Variants in GALNT13 observed in about 807,000 individuals in gnomAD.
GALNT13 encodes the protein polypeptide N-acetylgalactosaminyltransferase 13.
In GALNT13, 28 loss-of-function variants were observed where a neutral mutation model predicts 64.2. That is an observed-to-expected ratio of 0.44 (90% CI 0.32 to 0.60). The LOEUF (loss-of-function observed/expected upper bound fraction) is 0.60, where lower values mean the gene tolerates loss of function less well. Ranked by LOEUF, GALNT13 falls within the 20% of genes least tolerant of loss-of-function variation. The probability of loss-of-function intolerance (pLI) is 0.05; values close to 1 mark genes in which losing one functional copy is unlikely to be tolerated. For synonymous variants in GALNT13, 214 were observed against 224.6 expected (o/e 0.95, Z 0.42); for missense variants, 577 against 669.8 (o/e 0.86, Z 1.53).
At chr2:153,123,765 T>C in the GALNT13 span, among the ~76,000 whole-genome samples, 1 of 152,184 alleles carries the variant, frequency 6.6e-6, no homozygotes, top group Non-Finnish European at 1.5e-5. Context: ...TATTAATTGA[T>C]AAATTACACT....
the GALNT13 span, among the ~76,000 whole-genome samples, chr2:153,567,886 C>A: frequency 6.6e-5 from 10 of 152,324 alleles, no homozygotes; most frequent in African/African-American, 9.6e-5. Context: ...GTCTCCCTAG[C>A]TATTTGATTC....
the GALNT13 span, among the ~76,000 whole-genome samples, chr2:153,491,329 A>T: frequency 6.6e-6 from 1 of 152,060 alleles, no homozygotes; most frequent in Non-Finnish European, 1.5e-5. Context: ...TAAGAAACAT[A>T]AAAGAAGATT....
chr2:153,891,182 G>A (rs1189024909), intron 1 of GALNT13, among the ~76,000 whole-genome samples: 2 of 152,004 alleles, frequency 1.3e-5, no homozygotes, highest in African/African-American at 4.8e-5. Context: ...TTAGCTACAT[G>A]CATTTAATTA....
At chr2:153,126,296 GTATATATATATATATATATATATATA>G in the GALNT13 span, among the ~76,000 whole-genome samples, 1,758 of 118,840 alleles carry the variant, frequency 0.015, 69 homozygotes, top group African/African-American at 0.06. Context: ...TATTGATTTT[GTATATATATATATATATATATATATA>G]TATATATATA....
chr2:153,772,395 A>G, the GALNT13 span, among the ~76,000 whole-genome samples: 1 of 152,110 alleles, frequency 6.6e-6, no homozygotes, highest in Non-Finnish European at 1.5e-5. Flanking sequence ...CCTGGGTTGC[A>G]TGGAACCCTA....
chr2:153,112,610 A>G, the GALNT13 span, among the ~76,000 whole-genome samples: 4 of 152,126 alleles, frequency 2.6e-5, no homozygotes, highest in African/African-American at 9.7e-5. Context: ...TTCTGTTCCC[A>G]GGCTAATGTT....
At chr2:153,296,661 T>G in the GALNT13 span, among the ~76,000 whole-genome samples, 3 of 152,316 alleles carry the variant, frequency 2.0e-5, no homozygotes, top group Admixed American at 2.0e-4. Context: ...AAGGGCCAGA[T>G]AGAAACTGTG....
intron 3 of GALNT13, among the ~76,000 whole-genome samples, chr2:154,057,425 T>C (rs1350773635): frequency 1.3e-5 from 2 of 152,252 alleles, no homozygotes; most frequent in Non-Finnish European, 1.5e-5. Flanking sequence ...CAAGGCACTG[T>C]CTTATTCCCT....
intron 3 of GALNT13, among the ~76,000 whole-genome samples, chr2:154,059,448 G>A (rs568364750): frequency 6.6e-6 from 1 of 152,242 alleles, no homozygotes; most frequent in East Asian, 1.9e-4. Flanking sequence ...GAAATAGCAT[G>A]GACTTCATTT....
At chr2:154,366,709 A>G (rs1363525514) in intron 9 of GALNT13, among the ~76,000 whole-genome samples, 1 of 152,200 alleles carries the variant, frequency 6.6e-6, no homozygotes, top group African/African-American at 2.4e-5. Flanking sequence ...CGTGGGAAGA[A>G]TTCCTCTGTA....
chr2:154,152,083 C>T (rs1399417110), intron 4 of GALNT13, among the ~76,000 whole-genome samples: 1 of 152,130 alleles, frequency 6.6e-6, no homozygotes. Context: ...TGTTCCTTTC[C>T]ATGTTCAGTG....
chr2:154,100,794 G>A (rs1485638846), intron 3 of GALNT13, among the ~76,000 whole-genome samples: 5 of 152,092 alleles, frequency 3.3e-5, no homozygotes, highest in Admixed American at 3.3e-4. Context: ...TTCGTAGGGG[G>A]AAAGTTTTCA....
chr2:153,746,706 G>T, the GALNT13 span, among the ~76,000 whole-genome samples: 1 of 152,116 alleles, frequency 6.6e-6, no homozygotes, highest in Non-Finnish European at 1.5e-5. Context: ...TGCCAAATAG[G>T]CAGGGCTTGA....
At chr2:153,950,263 A>G (rs1480596510) in intron 3 of GALNT13, among the ~76,000 whole-genome samples, 1 of 151,878 alleles carries the variant, frequency 6.6e-6, no homozygotes, top group African/African-American at 2.4e-5. Flanking sequence ...TATAATTAAT[A>G]AAAAAGCCCA....
At chr2:154,009,618 G>A (rs1168627879) in intron 3 of GALNT13, among the ~76,000 whole-genome samples, 2 of 151,302 alleles carry the variant, frequency 1.3e-5, no homozygotes, top group Non-Finnish European at 2.9e-5. Context: ...ACCCTCCCAA[G>A]TAGCTGGGAC....
intron 9 of GALNT13, among the ~76,000 whole-genome samples, chr2:154,305,285 AAG>A (rs780553606): frequency 6.6e-6 from 1 of 152,098 alleles, no homozygotes; most frequent in Non-Finnish European, 1.5e-5. Context: ...TGAGTTTGTA[AAG>A]AGAGAATCTG....
At chr2:153,166,935 A>G in the GALNT13 span, among the ~76,000 whole-genome samples, 1 of 152,180 alleles carries the variant, frequency 6.6e-6, no homozygotes, top group Non-Finnish European at 1.5e-5. Flanking sequence ...TCTACCAACA[A>G]CCATGTGAGT....
At chr2:153,890,841 CT>C (rs1252468196) in intron 1 of GALNT13, among the ~76,000 whole-genome samples, 2 of 151,982 alleles carry the variant, frequency 1.3e-5, no homozygotes, top group Admixed American at 6.6e-5. Flanking sequence ...TAGAGCAGAG[CT>C]TTTCTTTTCC....
chr2:154,008,836 T>C (rs1431257149), intron 3 of GALNT13, among the ~76,000 whole-genome samples: 1 of 152,234 alleles, frequency 6.6e-6, no homozygotes, highest in Admixed American at 6.5e-5. Flanking sequence ...ATTTATCCAG[T>C]CTACCGTTTA....
Sources: gnomAD v4.1 joint callset for allele counts (sites outside exome capture counted in the v4.1 genomes callset) on GRCh38, gnomAD v4.1.1 for gene constraint, MANE v1.5 for transcripts, NCBI Gene and HGNC (gene_info 2026-07-23, HGNC 2026-07-21) for gene names.